Variants in BPIFB1 observed in about 807,000 individuals in gnomAD.
BPIFB1 encodes BPI fold containing family B member 1.
Under a neutral mutation model 55.1 loss-of-function variants are expected in BPIFB1, and 34 were observed. That is an observed-to-expected ratio of 0.62 (90% CI 0.47 to 0.82). The LOEUF is 0.82. Ranked by LOEUF, BPIFB1 falls within the 40% of genes least tolerant of loss-of-function variation. The pLI is 0.00. For missense variants in BPIFB1, 532 were observed against 593.1 expected, an observed-to-expected ratio of 0.90 and a Z score of 1.07; for synonymous variants, 236 against 245.3, an observed-to-expected ratio of 0.96 and a Z score of 0.35.
intron 4 of BPIFB1, 63 bp from the exon 5 acceptor site, chr20:33,290,894 G>C: frequency 6.4e-7 from 1 of 1,573,010 alleles, no homozygotes; most frequent in Non-Finnish European, 8.7e-7. Flanking sequence ...AGAGACGGAC[G>C]GCAGGGTTGC....
At chr20:33,296,393 T>G (rs62209749) in intron 6 of BPIFB1, among the ~76,000 whole-genome samples, 1,793 of 152,318 alleles carry the variant, frequency 0.012, 31 homozygotes, top group African/African-American at 0.036. Flanking sequence ...TCAAAGGCAT[T>G]GTCATTCCTC....
chr20:33,307,076 C>T, intron 15 of BPIFB1, 89 bp downstream of exon 15: 1 of 1,229,670 alleles, frequency 8.1e-7, no homozygotes, highest in Non-Finnish European at 1.2e-6. Flanking sequence ...CACTCCAACC[C>T]CAGCCTACAG....
chr20:33,302,973 G>A lies in BPIFB1; in HGVS notation c.1039G>A (p.Glu347Lys), dbSNP rs755296001. Residue 347 changes from glutamate to lysine, a missense_variant, in exon 11 of 16, where the codon GAG (glutamate) becomes AAG (lysine). Coordinates refer to ENST00000253354, the MANE Select transcript of BPIFB1 (RefSeq NM_033197.3). Reference sequence around the variant, plus strand: ...GAAGATCCTAACTCAGGACACTCCCGAGTTTTTTATAGACCAAGGCCATGC... The same window carrying A: ...GAAGATCCTAACTCAGGACACTCCCAAGTTTTTTATAGACCAAGGCCATGC... ...IVKILTQDTP[E>K]FFIDQGHAKV... 2.5e-5 allele frequency: 41 copies of A among 1,614,022 alleles called. No individual in the cohort carries two copies. Among genetic ancestry groups the A allele is most frequent in the African/African-American group, 4.0e-5 (3 of 74,906 alleles).
intron 14 of BPIFB1, chr20:33,306,469 C>A (rs945605177): frequency 3.0e-6 from 1 of 332,506 alleles, no homozygotes; most frequent in African/African-American, 2.1e-5. Flanking sequence ...GAAGTACCTT[C>A]TTCAGAGGCA....
chr20:33,288,292 G>T (rs1232606342), intron 2 of BPIFB1, among the ~76,000 whole-genome samples: 3 of 152,156 alleles, frequency 2.0e-5, no homozygotes, highest in Admixed American at 1.3e-4. Flanking sequence ...AGCACTTGAG[G>T]CTTTTTGGAC....
At chr20:33,288,666 C>A in intron 2 of BPIFB1, 75 bp from the exon 3 acceptor site, 1 of 1,558,050 alleles carries the variant, frequency 6.4e-7, no homozygotes, top group South Asian at 1.2e-5. Context: ...GATACCCCTC[C>A]CCAGCCTGGA....
chr20:33,309,254 CAAG>C lies in BPIFB1; in HGVS notation c.1396-450_1396-448del, dbSNP rs1016195393. 1.3e-5 allele frequency among the ~76,000 whole-genome samples: 2 copies of C among 152,168 alleles called. No individual in the cohort carries two copies. Among genetic ancestry groups the C allele is most frequent in the African/African-American group, 4.8e-5 (2 of 41,434 alleles). ...CCCCTCTAGAGTGGAGCCAAAACTTCAAGAAGGCAGGGGTTTCTGTCTGCTTTG... is the reference window on the plus strand; with the variant it reads ...CCCCTCTAGAGTGGAGCCAAAACTTCAAGGCAGGGGTTTCTGTCTGCTTTG... On this transcript the variant is annotated intron_variant, in intron 15 of 15. Coordinates refer to ENST00000253354, the MANE Select transcript of BPIFB1 (RefSeq NM_033197.3). This position sits in a 1 kb window ranked among gnomAD's most constrained non-coding sequence, Gnocchi z 4.4.
Position 33,302,671 on chromosome 20 carries a change from C to T in BPIFB1, c.982-245C>T, listed in dbSNP as rs77898271. The T allele has an allele frequency of 0.015, 9,533 of 622,340 alleles. 755 individuals are homozygous for T. The African/African-American group carries it at 0.16, about 10-fold the overall frequency. The allele number at this position is 622,340 out of a possible 1,614,324, so 38.6% of individuals were successfully genotyped here. A position where few individuals can be genotyped will look rare whatever the true frequency, so the allele number is the denominator to read the frequency against. On this transcript the variant is annotated intron_variant, in intron 10 of 15. Coordinates refer to ENST00000253354, the MANE Select transcript of BPIFB1 (RefSeq NM_033197.3). ...ATGAGAACACTCTGGGCCCCTGATA[C>T]AGTCTGGGACGTCAGGGAGGCCTCC...
At chr20:33,294,498 G>C (rs1203515750) in intron 6 of BPIFB1, among the ~76,000 whole-genome samples, 4 of 152,168 alleles carry the variant, frequency 2.6e-5, no homozygotes, top group Non-Finnish European at 5.9e-5. Context: ...GAATCCAAAA[G>C]TGAAAAACTT....
rs1387310904 is a variant in BPIFB1, at chr20:33,305,024, A to C, written c.1254+133A>C. ...CACCATGGGGGGCTGGCCGGTCTCCACCAAAGTCCAACTTCCCTCGAGTGT... is the reference window on the plus strand; with the variant it reads ...CACCATGGGGGGCTGGCCGGTCTCCCCCAAAGTCCAACTTCCCTCGAGTGT... On this transcript the variant is annotated intron_variant, in intron 13 of 15. Coordinates refer to ENST00000253354, the MANE Select transcript of BPIFB1 (RefSeq NM_033197.3). The C allele has an allele frequency of 5.1e-6, 5 of 974,838 alleles. No homozygotes were observed. The East Asian group carries it at 1.3e-4, about 25-fold the overall frequency. The allele number at this position is 974,838 out of a possible 1,614,324, so 60.4% of individuals were successfully genotyped here.
chr20:33,309,734 C>T lies in BPIFB1; in HGVS notation c.1422C>T (p.Ser474=), dbSNP rs1221384535. 1.2e-6 allele frequency: 2 copies of T among 1,614,184 alleles called. No individual in the cohort carries two copies. Among genetic ancestry groups the T allele is most frequent in the South Asian group, 1.1e-5 (1 of 91,080 alleles). ...ATGCCCTTGTGCTTACTCCAGCCTC[C>T]TTGTGGAAACCCAGCTCTCCTGTCT... The part of the protein sequence containing the change: ...TKDALVLTPA[S]LWKPSSPVSQ The change falls in exon 16 of 16, where the codon TCC becomes TCT. Residue 474 remains serine, a synonymous_variant. Transcript: ENST00000253354. The surrounding 1 kb of genome is among the most constrained non-coding windows in gnomAD (Gnocchi z 4.4).
intron 4 of BPIFB1, 121 bp from the exon 5 acceptor site, chr20:33,290,836 G>A (rs1223008284): frequency 2.9e-5 from 32 of 1,112,346 alleles, no homozygotes; most frequent in Non-Finnish European, 3.7e-5. Flanking sequence ...GTGAAGATGA[G>A]GAGAAACCAG....
At chr20:33,290,691 C>T (rs965458651) in intron 4 of BPIFB1, among the ~76,000 whole-genome samples, 2 of 152,112 alleles carry the variant, frequency 1.3e-5, no homozygotes, top group Admixed American at 6.5e-5. Flanking sequence ...GTGTTGCATG[C>T]GCTAAACTTG....
chr20:33,308,125 T>C (rs952311235), intron 15 of BPIFB1, among the ~76,000 whole-genome samples: 1 of 151,422 alleles, frequency 6.6e-6, no homozygotes, highest in African/African-American at 2.4e-5. Context: ...GAGCAAGGGG[T>C]GGGAGGTGCT....
chr20:33,302,862 T>A, intron 10 of BPIFB1, 54 bp from the exon 11 acceptor site: 1 of 1,599,476 alleles, frequency 6.3e-7, no homozygotes, highest in Non-Finnish European at 8.5e-7. Flanking sequence ...ACACAGAGCC[T>A]GTGGGCCATG....
intron 11 of BPIFB1, 61 bp from the exon 12 acceptor site, chr20:33,303,897 C>T: frequency 6.5e-7 from 1 of 1,550,028 alleles, no homozygotes; most frequent in East Asian, 2.2e-5. Context: ...CCCTGCATAA[C>T]CCCTAATTCC....
At chr20:33,306,453 G>C in intron 14 of BPIFB1, 1 of 348,794 alleles carries the variant, frequency 2.9e-6, no homozygotes, top group South Asian at 4.3e-5. Flanking sequence ...GTAAAATGGG[G>C]ACGTAGAAGT....
intron 15 of BPIFB1, chr20:33,307,346 T>C: frequency 4.7e-6 from 1 of 211,400 alleles, no homozygotes; most frequent in South Asian, 9.0e-5. Flanking sequence ...TTTTCAAGCC[T>C]ACCTTTTAGC....
Position 33,306,956 on chromosome 20 carries a change from G to A in BPIFB1, c.1364G>A (p.Gly455Glu), listed in dbSNP as rs754531357. 1.9e-6 allele frequency: 3 copies of A among 1,614,224 alleles called. No individual in the cohort carries two copies. Among genetic ancestry groups the A allele is most frequent in the Non-Finnish European group, 2.5e-6 (3 of 1,180,008 alleles). The change falls in exon 15 of 16, where the codon GGA becomes GAA. Residue 455 changes from glycine to glutamate, a missense_variant. Transcript: ENST00000253354. ...GVPVSLVKAL[G>E]FEAAESSLTK... is the part of the protein sequence containing the mutation. ...CCAGTGTCATTGGTGAAGGCCTTGG[G>A]ATTCGAGGCAGCTGAGTCCTCACTG...
Sources: gnomAD v4.1 joint callset for allele counts (sites outside exome capture counted in the v4.1 genomes callset) on GRCh38, gnomAD v4.1.1 for gene constraint, Gnocchi (gnomAD v3.1) non-coding constraint, MANE v1.5 for transcripts, NCBI Gene and HGNC (gene_info 2026-07-23, HGNC 2026-07-21) for gene names.